CDK5RAP2: variants seen among roughly 807,000 people sequenced by gnomAD.
CDK5RAP2 encodes the protein CDK5 regulatory subunit-associated protein 2.
Under a neutral mutation model 232.9 loss-of-function variants are expected in CDK5RAP2, and 147 were observed. The observed-to-expected ratio is 0.63, with a 90% CI of 0.55 to 0.72. The LOEUF (loss-of-function observed/expected upper bound fraction) is 0.72. CDK5RAP2 is among the 30% of genes least tolerant of loss of function. The probability of loss-of-function intolerance (pLI) is 0.00; values close to 1 mark genes in which losing one functional copy is unlikely to be tolerated. For synonymous variants in CDK5RAP2, 833 were observed against 833.7 expected (o/e 1.00, Z 0.01); for missense variants, 2,195 against 2,231.5 (o/e 0.98, Z 0.33).
intron 7 of CDK5RAP2, among the ~76,000 whole-genome samples, chr9:120,530,547 T>C (rs953620530): frequency 6.6e-6 from 1 of 152,132 alleles, no homozygotes; most frequent in African/African-American, 2.4e-5. Flanking sequence ...AAACGGAATG[T>C]CTTGCCAAGA....
intron 20 of CDK5RAP2, among the ~76,000 whole-genome samples, chr9:120,456,850 T>C (rs2036807856): frequency 6.6e-6 from 1 of 152,222 alleles, no homozygotes; most frequent in Admixed American, 6.5e-5. Context: ...CATTATAATA[T>C]ACTAAAGTGG....
intron 18 of CDK5RAP2, among the ~76,000 whole-genome samples, chr9:120,461,557 C>G (rs2037088812): frequency 6.6e-6 from 1 of 152,196 alleles, no homozygotes; most frequent in Non-Finnish European, 1.5e-5. Flanking sequence ...ATAAAAGAGT[C>G]TGGCCAGGTG....
chr9:120,409,419 G>A (rs986925062), intron 29 of CDK5RAP2, 103 bp from the exon 30 acceptor site: 35 of 878,512 alleles, frequency 4.0e-5, no homozygotes, highest in Admixed American at 1.1e-4. Flanking sequence ...AATGAGATTC[G>A]ATCTGGCATT....
At position 120,394,132 on chromosome 9, in the gene CDK5RAP2, G is replaced by A. The variant is rs181584723; in HGVS notation, c.5578+380C>T. ...CTTCCCTGAGGGACTGCCACTCCCC[G>A]CTCCATGTGACGACGTCTGCTTTCA... On this transcript the variant is annotated intron_variant, in intron 36 of 37. Transcript: ENST00000349780. Among the ~76,000 whole-genome samples, 5 of 152,248 alleles carry A rather than the reference G, an allele frequency of 3.3e-5. No homozygotes were observed. In the East Asian group the frequency reaches 5.8e-4, roughly 18 times the overall value.
At chr9:120,457,225 G>C (rs2036830641) in intron 20 of CDK5RAP2, among the ~76,000 whole-genome samples, 3 of 152,246 alleles carry the variant, frequency 2.0e-5, no homozygotes, top group Admixed American at 1.3e-4. Context: ...AGACCTTTCT[G>C]ACTCCCAACC....
At chr9:120,425,367 G>A (rs1450826895) in intron 25 of CDK5RAP2, among the ~76,000 whole-genome samples, 1 of 152,136 alleles carries the variant, frequency 6.6e-6, no homozygotes, top group Non-Finnish European at 1.5e-5. Context: ...CCCTCACACA[G>A]GTAACAGGGT....
intron 12 of CDK5RAP2, among the ~76,000 whole-genome samples, chr9:120,493,464 G>T (rs2039006077): frequency 6.6e-6 from 1 of 152,152 alleles, no homozygotes; most frequent in Non-Finnish European, 1.5e-5. Context: ...AGCTATAAAA[G>T]AAGGAATAAT....
intron 25 of CDK5RAP2, among the ~76,000 whole-genome samples, chr9:120,434,361 G>A (rs1033803734): frequency 6.6e-6 from 1 of 152,196 alleles, no homozygotes. Context: ...GCAGAAGTAA[G>A]GAGAGAGTGC....
Position 120,545,859 on chromosome 9 carries a change from GA to G in CDK5RAP2, c.307-70del, listed in dbSNP as rs548227767. ...AGGACCTATGAATGTCAACAATGGG[GA>G]AACTGCTTCCAGCACAGACTGACTA... On this transcript the variant is annotated intron_variant, in intron 4 of 37. Transcript: ENST00000349780. The G allele has an allele frequency of 7.0e-4, 868 of 1,231,736 alleles. 5 individuals are homozygous for G. The African/African-American group carries it at 0.011, about 16-fold the overall frequency. 76.3% of individuals were successfully genotyped at this position (1,231,736 alleles called of 1,614,324 possible). A position where few individuals can be genotyped will look rare whatever the true frequency, so the allele number is the denominator to read the frequency against.
intron 18 of CDK5RAP2, among the ~76,000 whole-genome samples, chr9:120,465,260 C>T (rs1039273914): frequency 1.3e-5 from 2 of 152,206 alleles, no homozygotes; most frequent in African/African-American, 4.8e-5. Context: ...GCTTTCTATG[C>T]TCACCGTCCT....
At chr9:120,493,939 A>G (rs565356552) in intron 12 of CDK5RAP2, among the ~76,000 whole-genome samples, 1 of 152,320 alleles carries the variant, frequency 6.6e-6, no homozygotes, top group South Asian at 2.1e-4. Flanking sequence ...GAAAAATACA[A>G]AAATGAGCAG....
intron 36 of CDK5RAP2, among the ~76,000 whole-genome samples, chr9:120,394,264 C>T (rs2032261849): frequency 6.6e-6 from 1 of 152,182 alleles, no homozygotes; most frequent in Non-Finnish European, 1.5e-5. Context: ...CCCATCACTG[C>T]ACATGCCACA....
chr9:120,415,305 G>T, intron 27 of CDK5RAP2, 146 bp from the exon 28 acceptor site: 1 of 855,388 alleles, frequency 1.2e-6, no homozygotes, highest in South Asian at 1.4e-5. Context: ...TAGGCATGGG[G>T]AGGGTGAGCT....
intron 25 of CDK5RAP2, among the ~76,000 whole-genome samples, chr9:120,425,688 C>G (rs1029458928): frequency 6.6e-6 from 1 of 152,232 alleles, no homozygotes; most frequent in Non-Finnish European, 1.5e-5. Flanking sequence ...ATCAGTCCTA[C>G]AGAGTTAACT....
chr9:120,477,265 C>T, intron 15 of CDK5RAP2, 85 bp downstream of exon 15: 1 of 1,023,414 alleles, frequency 9.8e-7, no homozygotes, highest in African/African-American at 1.6e-5. Flanking sequence ...GAGATCAGCA[C>T]TGATTGAAAG....
At chr9:120,397,553 AAAAAAAAAAAAAGAAAAAAG>A (rs1207532984) in intron 35 of CDK5RAP2, among the ~76,000 whole-genome samples, 3 of 142,008 alleles carry the variant, frequency 2.1e-5, no homozygotes, top group East Asian at 2.1e-4. Context: ...TTAAAAAAAA[AAAAAAAAAAAAAGAAAAAAG>A]AAAAAAAAAA....
chr9:120,504,556 T>C (rs1053570177), intron 12 of CDK5RAP2, among the ~76,000 whole-genome samples: 2 of 152,210 alleles, frequency 1.3e-5, no homozygotes, highest in African/African-American at 2.4e-5. Context: ...GCCAGTCAGC[T>C]GCAACAGCTT....
At position 120,461,933 on chromosome 9, in the gene CDK5RAP2, T is replaced by C. The variant is rs533654655; in HGVS notation, c.2107-1266A>G. Among the ~76,000 whole-genome samples, 5 of 152,396 alleles carry C rather than the reference T, an allele frequency of 3.3e-5. No homozygotes were observed. The South Asian group carries it at 1.0e-3, about 32-fold the overall frequency. ...TGTTGGGCATGTTGTACGTGTGAGA[T>C]ACCTACGGTTCTAGCTCAAGTTTTA... On this transcript the variant is annotated intron_variant, in intron 18 of 37. Coordinates refer to ENST00000349780, the MANE Select transcript of CDK5RAP2 (RefSeq NM_018249.6).
chr9:120,426,107 T>C, intron 25 of CDK5RAP2, among the ~76,000 whole-genome samples: 1 of 152,194 alleles, frequency 6.6e-6, no homozygotes, highest in East Asian at 1.9e-4. Context: ...CCAGGGATTC[T>C]TAGGAGGAAA....
Sources: allele counts gnomAD v4.1 joint callset (sites outside exome capture counted in the v4.1 genomes callset), GRCh38; gene constraint gnomAD v4.1.1; transcripts MANE v1.5; gene names NCBI Gene and HGNC (gene_info 2026-07-23, HGNC 2026-07-21).